The following HCN1 variants were observed in gnomAD, a reference collection of about 807,000 sequenced individuals.
The protein encoded by HCN1 is hyperpolarization activated cyclic nucleotide gated potassium channel 1, also known as potassium/sodium hyperpolarization-activated cyclic nucleotide-gated channel 1.
A neutral mutation model predicts 78.9 loss-of-function variants in HCN1; 13 were observed. The ratio of observed to expected loss-of-function variants is 0.16; its 90% CI spans 0.11 to 0.26. The LOEUF is 0.26. Among genes scored for constraint, HCN1 ranks in the 10% least tolerant of loss-of-function variants. The probability of loss-of-function intolerance (pLI) is 1.00; values close to 1 mark genes in which losing one functional copy is unlikely to be tolerated. For synonymous variants in HCN1, 552 were observed against 455.5 expected (o/e 1.21, Z -2.70); for missense variants, 810 against 1,154.3 (o/e 0.70, Z 4.32).
intron 1 of HCN1, among the ~76,000 whole-genome samples, chr5:45,692,614 A>T (rs1205720063): frequency 6.6e-6 from 1 of 152,152 alleles, no homozygotes; most frequent in East Asian, 1.9e-4. Flanking sequence ...TCTGCTGAGG[A>T]AAAAGGTAAA....
chr5:45,666,190 T>A (rs1746044979), intron 1 of HCN1, among the ~76,000 whole-genome samples: 1 of 151,978 alleles, frequency 6.6e-6, no homozygotes, highest in Non-Finnish European at 1.5e-5. Flanking sequence ...AGAATATCTA[T>A]TTAGGTGAAA....
At chr5:45,527,946 T>A (rs67834483) in intron 2 of HCN1, among the ~76,000 whole-genome samples, 88 of 143,108 alleles carry the variant, frequency 6.1e-4, no homozygotes, top group African/African-American at 1.6e-3. Context: ...TTTTTTTTTT[T>A]AAACCCAAAA....
At chr5:45,373,149 A>G (rs1201028991) in intron 4 of HCN1, among the ~76,000 whole-genome samples, 1 of 123,990 alleles carries the variant, frequency 8.1e-6, no homozygotes, top group Non-Finnish European at 1.6e-5. Context: ...TATATAATAT[A>G]TATAAAAATA....
chr5:45,465,309 C>G (rs1741245393), intron 2 of HCN1, among the ~76,000 whole-genome samples: 1 of 151,986 alleles, frequency 6.6e-6, no homozygotes, highest in Non-Finnish European at 1.5e-5. Flanking sequence ...TCTAAGTAAC[C>G]TGACTTGAAA....
At chr5:45,288,575 G>T (rs1352579575) in intron 6 of HCN1, among the ~76,000 whole-genome samples, 1 of 152,000 alleles carries the variant, frequency 6.6e-6, no homozygotes, top group Non-Finnish European at 1.5e-5. Flanking sequence ...ACCTGGCTCT[G>T]TGGATGCTGA....
intron 2 of HCN1, among the ~76,000 whole-genome samples, chr5:45,566,149 T>A (rs897279007): frequency 2.0e-5 from 3 of 152,128 alleles, no homozygotes; most frequent in Non-Finnish European, 4.4e-5. Context: ...TTTTCTCATC[T>A]CTCCTAATCT....
intron 3 of HCN1, among the ~76,000 whole-genome samples, chr5:45,445,184 A>T (rs1384258187): frequency 1.3e-5 from 2 of 152,216 alleles, no homozygotes; most frequent in African/African-American, 4.8e-5. Context: ...TCCCACCCGA[A>T]TACTGCACTT....
intron 6 of HCN1, among the ~76,000 whole-genome samples, chr5:45,288,722 T>C (rs1165550208): frequency 6.6e-6 from 1 of 152,066 alleles, no homozygotes; most frequent in African/African-American, 2.4e-5. Context: ...TAGACATAAC[T>C]TGTAAGTTGC....
chr5:45,554,317 C>T (rs929189543), intron 2 of HCN1, among the ~76,000 whole-genome samples: 7 of 151,748 alleles, frequency 4.6e-5, no homozygotes, highest in African/African-American at 1.7e-4. Flanking sequence ...AATTAGAAGG[C>T]TACTAAGTTC....
chr5:45,564,457 C>T (rs946684748), intron 2 of HCN1, among the ~76,000 whole-genome samples: 1 of 151,968 alleles, frequency 6.6e-6, no homozygotes, highest in Non-Finnish European at 1.5e-5. Flanking sequence ...AGGATGGTCT[C>T]GATCTCCTGA....
intron 2 of HCN1, among the ~76,000 whole-genome samples, chr5:45,531,397 C>T (rs1742845528): frequency 6.6e-6 from 1 of 152,146 alleles, no homozygotes; most frequent in African/African-American, 2.4e-5. Context: ...TCACTTCAGA[C>T]TCCTCTGTTG....
intron 2 of HCN1, among the ~76,000 whole-genome samples, chr5:45,574,228 G>A (rs1184344041): frequency 6.6e-6 from 1 of 152,072 alleles, no homozygotes; most frequent in Non-Finnish European, 1.5e-5. Context: ...TTGCAACTCT[G>A]CATCAACCAA....
At chr5:45,597,710 C>A (rs1264187011) in intron 2 of HCN1, among the ~76,000 whole-genome samples, 4 of 152,176 alleles carry the variant, frequency 2.6e-5, no homozygotes, top group African/African-American at 9.7e-5. Context: ...TGATAAGCAA[C>A]TTCAGCGAAG....
chr5:45,416,605 G>A (rs958497985), intron 3 of HCN1, among the ~76,000 whole-genome samples: 9 of 151,956 alleles, frequency 5.9e-5, no homozygotes, highest in Non-Finnish European at 1.2e-4. Context: ...TTTGGTAAGA[G>A]AAGGATGAAG....
At chr5:45,524,667 T>C (rs1224905270) in intron 2 of HCN1, among the ~76,000 whole-genome samples, 4 of 151,908 alleles carry the variant, frequency 2.6e-5, no homozygotes, top group Non-Finnish European at 5.9e-5. Flanking sequence ...TTGTCTGTTA[T>C]TGGTGTATAA....
chr5:45,669,633 A>G (rs769714597), intron 1 of HCN1, among the ~76,000 whole-genome samples: 1 of 151,820 alleles, frequency 6.6e-6, no homozygotes, highest in Non-Finnish European at 1.5e-5. Context: ...GTTTGTTCCA[A>G]CAGGAAGATG....
chr5:45,373,397 T>C (rs1215432830), intron 4 of HCN1, among the ~76,000 whole-genome samples: 2 of 108,174 alleles, frequency 1.8e-5, no homozygotes, highest in African/African-American at 9.4e-5. Context: ...TGTAAATATA[T>C]ATTATATAAA....
At chr5:45,350,578 T>C (rs1746872546) in intron 5 of HCN1, among the ~76,000 whole-genome samples, 1 of 151,336 alleles carries the variant, frequency 6.6e-6, no homozygotes, top group African/African-American at 2.4e-5. Flanking sequence ...AAAGAGGAAG[T>C]CAAATTGTCC....
intron 2 of HCN1, among the ~76,000 whole-genome samples, chr5:45,465,078 CAATT>C (rs1041861975): frequency 2.6e-4 from 40 of 152,012 alleles, no homozygotes; most frequent in African/African-American, 9.7e-4. Context: ...CCATATAAAT[CAATT>C]GTCTTGGTGC....
Sources: allele counts gnomAD v4.1 joint callset (sites outside exome capture counted in the v4.1 genomes callset), GRCh38; gene constraint gnomAD v4.1.1; transcripts MANE v1.5; gene names NCBI Gene and HGNC (gene_info 2026-07-23, HGNC 2026-07-21).